MAPK8: variants seen among roughly 807,000 people sequenced by gnomAD.
MAPK8 encodes the protein JUN N-terminal kinase.
MAPK8 carries 13 observed loss-of-function variants against 52.9 expected under a neutral mutation model. The ratio of observed to expected loss-of-function variants is 0.25; its 90% CI spans 0.16 to 0.39. The LOEUF (loss-of-function observed/expected upper bound fraction) is 0.39. MAPK8 is among the 10% of genes least tolerant of loss of function. The pLI, the probability that MAPK8 is intolerant of heterozygous loss-of-function variation, is 1.00. For synonymous variants in MAPK8, 191 were observed against 169.8 expected (o/e 1.12, Z -0.97); for missense variants, 300 against 519.2 (o/e 0.58, Z 4.10).
intron 1 of MAPK8, among the ~76,000 whole-genome samples, chr10:48,310,194 A>G (rs1179030084): frequency 6.6e-6 from 1 of 152,214 alleles, no homozygotes; most frequent in African/African-American, 2.4e-5. Context: ...GCTTTAGGCA[A>G]GTGCCTTAAT....
intron 1 of MAPK8, among the ~76,000 whole-genome samples, chr10:48,393,591 C>T (rs1421418226): frequency 2.6e-5 from 4 of 152,038 alleles, no homozygotes; most frequent in Non-Finnish European, 4.4e-5. Flanking sequence ...GGGTTGTTTT[C>T]AGTATTAAAA....
In MAPK8 at chr10:48,437,483, A is replaced by G. The variant is rs957258791; in HGVS notation, c.*2454A>G. On this transcript the variant is annotated 3_prime_UTR_variant, in exon 12 of 12. Transcript: ENST00000374189. Reference sequence around the variant, plus strand: ...AATATACTCACTGTCTTACTATCAGAAAGTTATTTTGACCAAGATTTTTAT... The same window carrying G: ...AATATACTCACTGTCTTACTATCAGGAAGTTATTTTGACCAAGATTTTTAT... 2 of 151,920 alleles carry G rather than the reference A, an allele frequency of 1.3e-5. No homozygotes were observed. The highest frequency in any genetic ancestry group is 6.6e-5 in the Admixed American group (1 of 15,262). The allele number at this position is 151,920 out of a possible 1,614,324, so 9.4% of individuals were successfully genotyped here.
intron 1 of MAPK8, among the ~76,000 whole-genome samples, chr10:48,379,934 C>T (rs1353978308): frequency 8.5e-6 from 1 of 117,774 alleles, no homozygotes; most frequent in Non-Finnish European, 1.7e-5. Context: ...GGAAACAAAG[C>T]TCTTAAAAAA....
chr10:48,431,417 T>G, intron 11 of MAPK8, 147 bp downstream of exon 11: 1 of 603,474 alleles, frequency 1.7e-6, no homozygotes, highest in Non-Finnish European at 2.9e-6. Context: ...GTTTTGTTTT[T>G]TCTACTAATA....
intron 1 of MAPK8, among the ~76,000 whole-genome samples, chr10:48,314,730 T>A (rs1279184332): frequency 6.6e-6 from 1 of 152,246 alleles, no homozygotes; most frequent in African/African-American, 2.4e-5. Context: ...TTCTTTCTTT[T>A]GAACTGTCCT....
intron 1 of MAPK8, among the ~76,000 whole-genome samples, chr10:48,335,956 G>C (rs1588980838): frequency 6.6e-6 from 1 of 152,124 alleles, no homozygotes; most frequent in Admixed American, 6.5e-5. Flanking sequence ...GAAACATCAT[G>C]TATTAGTCAT....
chr10:48,439,156 C>T lies in MAPK8; in HGVS notation c.*4127C>T. On this transcript the variant is annotated 3_prime_UTR_variant, in exon 12 of 12. Transcript: ENST00000374189. ...ATTCCTCCTCCATTCCTCTCCTTCC[C>T]TGTGTTCCGTTCCCTCTCCTTTCCT... 6.6e-6 allele frequency: 1 copy of T among 151,778 alleles called. No homozygotes were observed. Among genetic ancestry groups the T allele is most frequent in the East Asian group, 1.9e-4 (1 of 5,180 alleles). The allele number at this position is 151,778 out of a possible 1,614,324, so 9.4% of individuals were successfully genotyped here.
rs564990113 is a variant in MAPK8, at chr10:48,439,281, T to C, written c.*4252T>C. On this transcript the variant is annotated 3_prime_UTR_variant, in exon 12 of 12. Transcript: ENST00000374189. Reference sequence around the variant, plus strand: ...AGTCATTAAACATGCACCACTGGAATGTAAACAATGTTATCTAGTATGTCA... The same window carrying C: ...AGTCATTAAACATGCACCACTGGAACGTAAACAATGTTATCTAGTATGTCA... The C allele has an allele frequency of 1.1e-4, 16 of 149,930 alleles. No individual in the cohort carries two copies. Among genetic ancestry groups the C allele is most frequent in the African/African-American group, 3.9e-4 (16 of 40,526 alleles). 9.3% of individuals were successfully genotyped at this position (149,930 alleles called of 1,614,324 possible).
At chr10:48,318,842 G>A (rs903551737) in intron 1 of MAPK8, among the ~76,000 whole-genome samples, 2 of 152,220 alleles carry the variant, frequency 1.3e-5, no homozygotes, top group Non-Finnish European at 2.9e-5. Context: ...TAAAGGTAGT[G>A]TAACAGGCTA....
At position 48,324,503 on chromosome 10, in the gene MAPK8, G is replaced by GTTTTTTTTTTTTTTTTTTTT. The variant is rs370766776; in HGVS notation, c.-50+17699_-50+17700insTTTTTTTTTTTTTTTTTTTT. Among the ~76,000 whole-genome samples the GTTTTTTTTTTTTTTTTTTTT allele has an allele frequency of 2.7e-4, 32 of 117,998 alleles. 2 individuals are homozygous for GTTTTTTTTTTTTTTTTTTTT. Among genetic ancestry groups the GTTTTTTTTTTTTTTTTTTTT allele is most frequent in the African/African-American group, 3.9e-4 (11 of 28,100 alleles). The allele number at this position is 117,998 out of a possible 152,430, so 77.4% of individuals were successfully genotyped here. Reference sequence around the variant, plus strand: ...TATACAACAGTTGTCCTGTTTTCTAGTTTTTTTTTTTTTTTTTACACTCAT... The same window carrying GTTTTTTTTTTTTTTTTTTTT: ...TATACAACAGTTGTCCTGTTTTCTAGTTTTTTTTTTTTTTTTTTTTTTTTTTTTTTTTTTTTTACACTCAT... On this transcript the variant is annotated intron_variant, in intron 1 of 11. Coordinates refer to ENST00000374189, the MANE Select transcript of MAPK8 (RefSeq NM_001323329.2).
At chr10:48,413,859 A>ATT (rs55946846) in intron 5 of MAPK8, among the ~76,000 whole-genome samples, 3 of 124,766 alleles carry the variant, frequency 2.4e-5, no homozygotes, top group African/African-American at 5.8e-5. Context: ...ATATATATAT[A>ATT]TTCAGAAATA....
chr10:48,360,022 C>A (rs890211338), intron 1 of MAPK8, among the ~76,000 whole-genome samples: 1 of 152,068 alleles, frequency 6.6e-6, no homozygotes, highest in South Asian at 2.1e-4. Context: ...TACAAATTAA[C>A]CGGGTTTGGC....
At chr10:48,360,391 A>G (rs1165482486) in intron 1 of MAPK8, among the ~76,000 whole-genome samples, 1 of 152,156 alleles carries the variant, frequency 6.6e-6, no homozygotes, top group Non-Finnish European at 1.5e-5. Flanking sequence ...TATCACCTAA[A>G]ATAGTTGAGC....
chr10:48,420,301 C>T lies in MAPK8; in HGVS notation c.597C>T (p.Gly199=), dbSNP rs553640794. ...ACAGAGCACCCGAGGTCATCCTTGG[C>T]ATGGGCTACAAGGAAAACGGTCAGC... ...RYYRAPEVIL[G]MGYKENVDLW... Residue 199 remains glycine (G), a synonymous_variant, in exon 6 of 12, where the codon GGC becomes GGT. Transcript: ENST00000374189. The T allele has an allele frequency of 1.2e-6, 2 of 1,610,662 alleles. No homozygotes were observed. Among genetic ancestry groups the T allele is most frequent in the East Asian group, 2.2e-5 (1 of 44,862 alleles).
intron 10 of MAPK8, 101 bp downstream of exon 10, chr10:48,427,244 A>G (rs905329806): frequency 2.8e-6 from 2 of 714,602 alleles, no homozygotes; most frequent in South Asian, 3.3e-5. Context: ...TTTAATATGC[A>G]TAACCGAAAT....
chr10:48,382,750 AT>A (rs911475941), intron 1 of MAPK8, among the ~76,000 whole-genome samples: 47 of 147,622 alleles, frequency 3.2e-4, no homozygotes, highest in Non-Finnish European at 5.5e-4. Context: ...CAAAAAAAAA[AT>A]ATTTTATATA....
chr10:48,349,057 C>T (rs1348312720), intron 1 of MAPK8, among the ~76,000 whole-genome samples: 2 of 151,860 alleles, frequency 1.3e-5, no homozygotes, highest in African/African-American at 4.8e-5. Flanking sequence ...GTAAAGGGAT[C>T]AATGCAACAA....
chr10:48,324,309 T>C (rs546605035), intron 1 of MAPK8, among the ~76,000 whole-genome samples: 176 of 152,294 alleles, frequency 1.2e-3, no homozygotes, highest in Middle Eastern at 3.4e-3. Context: ...TTTTCGTGCA[T>C]GGATAGTGTT....
At chr10:48,382,753 T>C (rs142863547) in intron 1 of MAPK8, among the ~76,000 whole-genome samples, 4 of 147,510 alleles carry the variant, frequency 2.7e-5, no homozygotes, top group Non-Finnish European at 6.0e-5. Context: ...AAAAAAAATA[T>C]TTTATATATT....
Sources: allele counts gnomAD v4.1 joint callset (sites outside exome capture counted in the v4.1 genomes callset), GRCh38; gene constraint gnomAD v4.1.1; transcripts MANE v1.5; gene names NCBI Gene and HGNC (gene_info 2026-07-23, HGNC 2026-07-21).